AP4E1: variants seen among roughly 807,000 people sequenced by gnomAD.
The protein encoded by AP4E1 is adaptor related protein complex 4 subunit epsilon 1.
A neutral mutation model predicts 128.2 loss-of-function variants in AP4E1; 56 were observed. The observed-to-expected ratio is 0.44, with a 90% CI of 0.35 to 0.55. The LOEUF is 0.55. AP4E1 is among the 20% of genes least tolerant of loss of function. The pLI, the probability that AP4E1 is intolerant of heterozygous loss-of-function variation, is 0.00. For missense variants in AP4E1, 1,324 were observed against 1,307.7 expected (o/e 1.01, Z -0.19); for synonymous variants, 484 against 473.1 (o/e 1.02, Z -0.30).
intron 3 of AP4E1, among the ~76,000 whole-genome samples, chr15:50,921,677 T>C (rs2063704596): frequency 6.6e-6 from 1 of 152,288 alleles, no homozygotes; most frequent in East Asian, 1.9e-4. Flanking sequence ...GTCAAGTAAC[T>C]TATAGAGCAT....
rs753628608 is a variant in AP4E1, at chr15:50,997,344, G to C, written c.2365G>C (p.Val789Leu). ...TINLLGKADT[V>L]SHKFRRKSKV... ...TTTGCAGCTGGGAAAAGCAGATACT[G>C]TCTCTCACAAGTTCAGAAGGAAATC... Residue 789 changes from valine (V) to leucine (L), a missense_variant, in exon 18 of 21, where the codon GTC becomes CTC. Val to Leu is a conservative substitution (Grantham distance 32, BLOSUM62 1). Coordinates refer to ENST00000261842, the MANE Select transcript of AP4E1 (RefSeq NM_007347.5). 6.2e-7 allele frequency: 1 copy of C among 1,600,270 alleles called. No homozygotes were observed. The highest frequency in any genetic ancestry group is 1.1e-5 in the South Asian group (1 of 87,358).
At chr15:50,937,618 G>A (rs765390518) in intron 8 of AP4E1, among the ~76,000 whole-genome samples, 1 of 152,154 alleles carries the variant, frequency 6.6e-6, no homozygotes, top group African/African-American at 2.4e-5. Context: ...TAGGAGTTCC[G>A]AGGAAGTAGA....
At chr15:50,926,251 C>T (rs1465908372) in intron 5 of AP4E1, among the ~76,000 whole-genome samples, 1 of 151,940 alleles carries the variant, frequency 6.6e-6, no homozygotes, top group Admixed American at 6.6e-5. Context: ...AGTTCTCTGC[C>T]TCAGCCTCCT....
At chr15:50,983,340 T>C (rs2064668274) in intron 15 of AP4E1, among the ~76,000 whole-genome samples, 1 of 152,152 alleles carries the variant, frequency 6.6e-6, no homozygotes, top group Non-Finnish European at 1.5e-5. Flanking sequence ...CTTCCAGAAG[T>C]TGCAAACAAA....
At chr15:50,925,059 A>G (rs752516435) in intron 4 of AP4E1, 39 bp from the exon 5 acceptor site, 6 of 1,612,558 alleles carry the variant, frequency 3.7e-6, no homozygotes, top group East Asian at 4.5e-5. Context: ...TAGTTTCAGT[A>G]TTTACACTAA....
intron 15 of AP4E1, among the ~76,000 whole-genome samples, chr15:50,979,119 A>G (rs1226407911): frequency 6.6e-6 from 1 of 152,034 alleles, no homozygotes; most frequent in African/African-American, 2.4e-5. Flanking sequence ...TTTAATGTGC[A>G]TAGAAAACAT....
chr15:50,999,325 C>T (rs2140937051), intron 19 of AP4E1, 63 bp downstream of exon 19: 2 of 1,414,604 alleles, frequency 1.4e-6, no homozygotes, highest in Middle Eastern at 2.5e-4. Flanking sequence ...TAGACCTCTT[C>T]TCTGGATGGA....
intron 6 of AP4E1, among the ~76,000 whole-genome samples, chr15:50,929,702 CAG>C (rs1398311606): frequency 2.0e-5 from 3 of 152,078 alleles, no homozygotes; most frequent in African/African-American, 7.2e-5. Context: ...ATATTTGTAA[CAG>C]ATTTCATGGC....
rs369231225 is a variant in AP4E1, at chr15:50,950,118, G to T, written c.1497G>T (p.Leu499=). 31 of 1,613,224 alleles carry T rather than the reference G, an allele frequency of 1.9e-5. No homozygotes were observed. The African/African-American group carries it at 4.1e-4, about 22-fold the overall frequency. ...LYAVQSYLTL[L]DMENVFYPQR... is the part of the protein sequence containing the mutation. ...CAGTTCAGTCTTATCTCACTTTACT[G>T]GATATGGAAAATGTGTTCTATCCAC... is the stretch of plus-strand genomic sequence containing the variant. Residue 499 remains leucine (L), a synonymous_variant, in exon 13 of 21, where the codon CTG becomes CTT. Coordinates refer to ENST00000261842, the MANE Select transcript of AP4E1 (RefSeq NM_007347.5).
chr15:50,950,497 T>C (rs996357801), intron 13 of AP4E1, among the ~76,000 whole-genome samples: 6 of 152,334 alleles, frequency 3.9e-5, no homozygotes, highest in African/African-American at 1.2e-4. Flanking sequence ...TTATAACCAG[T>C]AAATTATCTT....
rs200153804 is a variant in AP4E1, at chr15:50,934,653, A to T, written c.899A>T (p.Asp300Val). The T allele has an allele frequency of 4.8e-5, 78 of 1,608,958 alleles. No individual in the cohort carries two copies. The highest frequency in any genetic ancestry group is 6.5e-5 in the Non-Finnish European group (77 of 1,175,914). Residue 300 changes from aspartate (D) to valine (V), a missense_variant, in exon 8 of 21, where the codon GAT (aspartate) becomes GTT (valine). Asp to Val is a radical substitution (Grantham distance 152). Transcript: ENST00000261842. ...RTSELMYDVL[D>V]ESLRRAELNH... Reference sequence around the variant, plus strand: ...AGTGAATTAATGTATGATGTTCTTGATGAATCCTTACGAAGAGCTGAGTTA... The same window carrying T: ...AGTGAATTAATGTATGATGTTCTTGTTGAATCCTTACGAAGAGCTGAGTTA...
At chr15:50,929,588 A>G (rs2141155449) in intron 6 of AP4E1, among the ~76,000 whole-genome samples, 1 of 152,260 alleles carries the variant, frequency 6.6e-6, no homozygotes. Flanking sequence ...ATATGAGGAA[A>G]GAGGGTTGAA....
In AP4E1 at chr15:50,941,234, A is replaced by G. The variant is rs77491038; in HGVS notation, c.944-208A>G. Among the ~76,000 whole-genome samples the G allele has an allele frequency of 5.2e-3, 793 of 152,300 alleles. 8 individuals carry two copies. The highest frequency in any genetic ancestry group is 0.018 in the African/African-American group (761 of 41,564). On this transcript the variant is annotated intron_variant, in intron 8 of 20. Transcript: ENST00000261842. ...AAATGCATAATTATTACCAGTAAATATAATTTTTTGAACATTGTATTGTGG... is the reference window on the plus strand; with the variant it reads ...AAATGCATAATTATTACCAGTAAATGTAATTTTTTGAACATTGTATTGTGG...
In AP4E1 at chr15:50,984,164, A is replaced by G. The variant is rs372099435; in HGVS notation, c.2090+19A>G. On this transcript the variant is annotated intron_variant, in intron 16 of 20. Coordinates refer to ENST00000261842, the MANE Select transcript of AP4E1 (RefSeq NM_007347.5). Reference sequence around the variant, plus strand: ...TGAAAGAGTAAGTTCATTTCTTATTAAAATTGAGGTTATGGGAGTGCTTAA... The same window carrying G: ...TGAAAGAGTAAGTTCATTTCTTATTGAAATTGAGGTTATGGGAGTGCTTAA... 3.8e-5 allele frequency: 62 copies of G among 1,612,196 alleles called. 1 individual carries two copies. In the South Asian group the frequency reaches 4.9e-4, roughly 13 times the overall value.
intron 15 of AP4E1, among the ~76,000 whole-genome samples, chr15:50,983,620 C>G (rs555569845): frequency 6.6e-6 from 1 of 152,230 alleles, no homozygotes; most frequent in African/African-American, 2.4e-5. Flanking sequence ...CCATTTGGTA[C>G]GAGAATGTAC....
chr15:50,984,689 T>G (rs2140915737), intron 16 of AP4E1, among the ~76,000 whole-genome samples: 1 of 152,280 alleles, frequency 6.6e-6, no homozygotes, highest in Admixed American at 6.5e-5. Context: ...TGCCACATTT[T>G]CTTAATCCAG....
At chr15:50,927,750 A>G (rs761722578) in intron 5 of AP4E1, among the ~76,000 whole-genome samples, 14 of 151,992 alleles carry the variant, frequency 9.2e-5, no homozygotes, top group South Asian at 2.1e-4. Flanking sequence ...TGGAATTTGT[A>G]TGACCACTTA....
At position 50,941,700 on chromosome 15, in the gene AP4E1, T is replaced by A. The variant is rs2063991053; in HGVS notation, c.1101T>A (p.Asp367Glu). 1 of 1,613,768 alleles carries A rather than the reference T, an allele frequency of 6.2e-7. No homozygotes were observed. The highest frequency in any genetic ancestry group is 1.7e-5 in the Admixed American group (1 of 60,014). Residue 367 changes from aspartate (D) to glutamate (E), a missense_variant, in exon 10 of 21, where the codon GAT becomes GAA. Coordinates refer to ENST00000261842, the MANE Select transcript of AP4E1 (RefSeq NM_007347.5). ...LKALTYVIQQDPTLALQHQMT... is the reference protein window; with the variant it reads ...LKALTYVIQQEPTLALQHQMT... Reference sequence around the variant, plus strand: ...CTCTTACCTATGTTATCCAACAGGATCCTACTCTGGCTCTTCAACACCAGA... The same window carrying A: ...CTCTTACCTATGTTATCCAACAGGAACCTACTCTGGCTCTTCAACACCAGA...
In AP4E1 at chr15:50,908,729, G is replaced by C. The variant is rs770031390; in HGVS notation, c.-50G>C. On this transcript the variant is annotated 5_prime_UTR_variant, in exon 1 of 21. Transcript: ENST00000261842. ...GGCAGCGGCGGCCGGGCATGAAGCC[G>C]GGCGGCTACGGGATCGCGGGCGGCG... 6.1e-6 allele frequency: 9 copies of C among 1,475,652 alleles called. No homozygotes were observed. The highest frequency in any genetic ancestry group is 2.8e-5 in the East Asian group (1 of 35,156). The allele number at this position is 1,475,652 out of a possible 1,614,324, so 91.4% of individuals were successfully genotyped here.
Sources: gnomAD v4.1 joint callset for allele counts (sites outside exome capture counted in the v4.1 genomes callset) on GRCh38, gnomAD v4.1.1 for gene constraint, MANE v1.5 for transcripts, NCBI Gene and HGNC (gene_info 2026-07-23, HGNC 2026-07-21) for gene names.